The following IMMP2L variants were observed in gnomAD, a reference collection of about 807,000 sequenced individuals.
IMMP2L encodes the protein inner mitochondrial membrane peptidase subunit 2.
IMMP2L carries 18 observed loss-of-function variants against 19.3 expected under a neutral mutation model. The ratio of observed to expected loss-of-function variants is 0.93; its 90% CI spans 0.64 to 1.38. The LOEUF (loss-of-function observed/expected upper bound fraction) is 1.38. Among genes scored for constraint, IMMP2L ranks in the 40% most tolerant of loss-of-function variants. The pLI, the probability that IMMP2L is intolerant of heterozygous loss-of-function variation, is 0.00. For synonymous variants in IMMP2L, 76 were observed against 73.0 expected (o/e 1.04, Z -0.21); for missense variants, 233 against 218.2 (o/e 1.07, Z -0.43).
At chr7:111,062,116 A>G (rs1378450311) in intron 3 of IMMP2L, among the ~76,000 whole-genome samples, 2 of 152,048 alleles carry the variant, frequency 1.3e-5, no homozygotes, top group African/African-American at 4.8e-5. Flanking sequence ...GTATTAGTCC[A>G]TTTTCATGCT....
intron 5 of IMMP2L, among the ~76,000 whole-genome samples, chr7:110,849,863 G>T (rs949108932): frequency 9.2e-5 from 14 of 152,052 alleles, no homozygotes; most frequent in African/African-American, 1.7e-4. Context: ...CATTCTCATA[G>T]AATTATTTAT....
chr7:110,670,384 A>C (rs1238302521), intron 5 of IMMP2L, among the ~76,000 whole-genome samples: 1 of 152,174 alleles, frequency 6.6e-6, no homozygotes, highest in Non-Finnish European at 1.5e-5. Flanking sequence ...GCTAATACAC[A>C]CATGAATTTA....
In IMMP2L at chr7:111,206,482, C is replaced by T. The variant is rs1242825355; in HGVS notation, c.240-242917G>A. On this transcript the variant is annotated intron_variant, in intron 3 of 5. Transcript: ENST00000405709. ...TATAGCGACCGAGTAAGTGACTGTG[C>T]TCTTCAGATTTTTTTTTAATTCTTA... Among the ~76,000 whole-genome samples, 4 of 152,168 alleles carry T rather than the reference C, an allele frequency of 2.6e-5. No individual in the cohort carries two copies. In the East Asian group the frequency reaches 5.8e-4, roughly 22 times the overall value.
At chr7:111,458,307 AG>A (rs776566157) in intron 3 of IMMP2L, among the ~76,000 whole-genome samples, 64 of 152,092 alleles carry the variant, frequency 4.2e-4, no homozygotes, top group Non-Finnish European at 7.6e-4. Flanking sequence ...TGAACTTGGG[AG>A]GCAGAGGTTG....
At chr7:111,522,645 G>A (rs1846445917) in intron 1 of IMMP2L, among the ~76,000 whole-genome samples, 1 of 151,956 alleles carries the variant, frequency 6.6e-6, no homozygotes, top group Admixed American at 6.6e-5. Flanking sequence ...AACAAGTGCT[G>A]GCAAAGGTGG....
At chr7:111,358,865 G>C (rs937418482) in intron 3 of IMMP2L, among the ~76,000 whole-genome samples, 5 of 152,092 alleles carry the variant, frequency 3.3e-5, no homozygotes, top group Admixed American at 3.3e-4. Flanking sequence ...AGGAGAAGGT[G>C]CTGTGATTTA....
intron 3 of IMMP2L, among the ~76,000 whole-genome samples, chr7:111,099,571 T>C (rs796572471): frequency 6.6e-6 from 1 of 151,738 alleles, no homozygotes; most frequent in Non-Finnish European, 1.5e-5. Flanking sequence ...GTCCTTCAAC[T>C]TGACTGTCCT....
chr7:111,414,023 A>T (rs1834719228), intron 3 of IMMP2L, among the ~76,000 whole-genome samples: 1 of 151,780 alleles, frequency 6.6e-6, no homozygotes, highest in African/African-American at 2.4e-5. Context: ...TTTCCTGGCA[A>T]GTCGCAAGAT....
chr7:110,867,086 G>T (rs1181138021), intron 5 of IMMP2L, among the ~76,000 whole-genome samples: 1 of 151,788 alleles, frequency 6.6e-6, no homozygotes. Context: ...GTATTAGTCT[G>T]CTTGGGGTAC....
At chr7:111,322,607 A>T (rs1413653563) in intron 3 of IMMP2L, among the ~76,000 whole-genome samples, 3 of 151,664 alleles carry the variant, frequency 2.0e-5, no homozygotes, top group East Asian at 1.9e-4. Flanking sequence ...TTTTAAAAAA[A>T]ATTAGAAATA....
At chr7:111,232,408 T>C (rs1341134763) in intron 3 of IMMP2L, among the ~76,000 whole-genome samples, 6 of 151,174 alleles carry the variant, frequency 4.0e-5, no homozygotes, top group Non-Finnish European at 8.8e-5. Context: ...CATTTAGGTA[T>C]GTGTGAACTC....
chr7:111,096,902 A>T (rs1466200892), intron 3 of IMMP2L: 8 of 152,000 alleles, frequency 5.3e-5, no homozygotes, highest in Non-Finnish European at 1.2e-4. Flanking sequence ...GTAAACTTAC[A>T]TACATTATTC....
intron 4 of IMMP2L, among the ~76,000 whole-genome samples, chr7:110,936,645 T>C (rs1030549993): frequency 1.3e-5 from 2 of 152,176 alleles, no homozygotes; most frequent in African/African-American, 2.4e-5. Context: ...AGTGTGGTGA[T>C]TCCTCAAGGA....
At chr7:111,319,661 G>T (rs1045614454) in intron 3 of IMMP2L, among the ~76,000 whole-genome samples, 1 of 151,960 alleles carries the variant, frequency 6.6e-6, no homozygotes, top group Non-Finnish European at 1.5e-5. Context: ...AATACAGAAG[G>T]CTATATTCTA....
At chr7:110,917,430 T>C (rs1450467177) in intron 4 of IMMP2L, among the ~76,000 whole-genome samples, 1 of 152,160 alleles carries the variant, frequency 6.6e-6, no homozygotes. Flanking sequence ...CTGAACACTA[T>C]CTGCATGTCA....
intron 3 of IMMP2L, among the ~76,000 whole-genome samples, chr7:110,964,197 A>C (rs1819288198): frequency 6.6e-6 from 1 of 152,050 alleles, no homozygotes; most frequent in Admixed American, 6.6e-5. Context: ...TTTATAAACT[A>C]TCCAGTCTCA....
At chr7:110,830,315 T>C (rs1803855127) in intron 5 of IMMP2L, among the ~76,000 whole-genome samples, 2 of 152,086 alleles carry the variant, frequency 1.3e-5, no homozygotes, top group African/African-American at 4.8e-5. Context: ...TTCTAGAAGC[T>C]CAGGTTCTCC....
At chr7:110,820,574 A>T (rs1485074712) in intron 5 of IMMP2L, among the ~76,000 whole-genome samples, 1 of 151,960 alleles carries the variant, frequency 6.6e-6, no homozygotes, top group Non-Finnish European at 1.5e-5. Context: ...ACACACACAC[A>T]CACCCACCCA....
At chr7:111,117,965 C>T (rs969133926) in intron 3 of IMMP2L, among the ~76,000 whole-genome samples, 2 of 152,070 alleles carry the variant, frequency 1.3e-5, no homozygotes, top group South Asian at 2.1e-4. Context: ...ATCTAAAAGA[C>T]AGTGGATTTT....
Sources: gnomAD v4.1 joint callset for allele counts (sites outside exome capture counted in the v4.1 genomes callset) on GRCh38, gnomAD v4.1.1 for gene constraint, MANE v1.5 for transcripts, NCBI Gene and HGNC (gene_info 2026-07-23, HGNC 2026-07-21) for gene names.